Variants in MYO9A observed in about 807,000 individuals in gnomAD.
MYO9A encodes unconventional myosin-IXa.
MYO9A carries 103 observed loss-of-function variants against 293.3 expected under a neutral mutation model. The observed-to-expected ratio is 0.35, with a 90% CI of 0.30 to 0.41. The LOEUF is 0.41. MYO9A is among the 10% of genes least tolerant of loss of function. The pLI is 1.00. For missense variants in MYO9A, 2,685 were observed against 3,033.0 expected (o/e 0.89, Z 2.69); for synonymous variants, 1,001 against 1,035.7 (o/e 0.97, Z 0.64).
chr15:71,976,759 A>C (rs2076156769), intron 12 of MYO9A, among the ~76,000 whole-genome samples: 1 of 152,236 alleles, frequency 6.6e-6, no homozygotes, highest in African/African-American at 2.4e-5. Context: ...TGTTAACAGC[A>C]TTTTAATTTC....
chr15:72,051,403 C>G (rs1307137407), intron 1 of MYO9A, among the ~76,000 whole-genome samples: 1 of 152,218 alleles, frequency 6.6e-6, no homozygotes. Flanking sequence ...GGCCACCTGC[C>G]CAGGTGGGCT....
rs565052257 is a variant in MYO9A, at chr15:72,050,459, T to C, written c.-71-3825A>G. On this transcript the variant is annotated intron_variant, in intron 1 of 41. Transcript: ENST00000356056. ...CCATCTCTACTGAAAATACAAAAAT[T>C]AGCCAGGCATGGTGGTGGGCACCTG... Among the ~76,000 whole-genome samples the C allele has an allele frequency of 7.9e-5, 12 of 152,056 alleles. No individual in the cohort carries two copies. In the South Asian group the frequency reaches 2.5e-3, roughly 32 times the overall value.
intron 33 of MYO9A, among the ~76,000 whole-genome samples, chr15:71,861,695 AAAAAAAC>A (rs1437321134): frequency 1.3e-5 from 2 of 149,100 alleles, no homozygotes; most frequent in African/African-American, 4.9e-5. Context: ...AAAAAAAAAA[AAAAAAAC>A]AAATAAGTTT....
chr15:71,826,765 TG>T lies in MYO9A; in HGVS notation c.7461del (p.Phe2487LeufsTer16). 6.2e-7 allele frequency: 1 copy of T among 1,614,132 alleles called. No homozygotes were observed. Among genetic ancestry groups the T allele is most frequent in the South Asian group, 1.1e-5 (1 of 91,078 alleles). ...TCCGGGTTGAAGGTTCCTCTGCTGATGAACTGAGGCTTGTCTTCCAGGAATT... is the reference window on the plus strand; with the variant it reads ...TCCGGGTTGAAGGTTCCTCTGCTGATAACTGAGGCTTGTCTTCCAGGAATT... ...QTKFLEDKPQ[F>X]ISRGTFNPEK... On this transcript the variant is annotated frameshift_variant, in exon 42 of 42. Transcript: ENST00000356056. LOFTEE classifies it high-confidence loss of function.
chr15:71,830,432 A>G, intron 39 of MYO9A, 121 bp from the exon 40 acceptor site: 2 of 914,464 alleles, frequency 2.2e-6, no homozygotes, highest in East Asian at 5.2e-5. Flanking sequence ...AAATGGAAAC[A>G]CTCTGCGAGG....
intron 4 of MYO9A, among the ~76,000 whole-genome samples, chr15:72,023,202 A>C (rs1378032306): frequency 2.0e-5 from 3 of 152,244 alleles, no homozygotes; most frequent in Admixed American, 1.3e-4. Context: ...GGCAGAAGAA[A>C]GAACCAGTGA....
chr15:72,098,285 T>C (rs1399030261), intron 1 of MYO9A, among the ~76,000 whole-genome samples: 1 of 151,670 alleles, frequency 6.6e-6, no homozygotes, highest in Non-Finnish European at 1.5e-5. Context: ...TAAAGTTTCA[T>C]GGAAAAACCC....
rs373525179 is a variant in MYO9A at position 72,007,848 on chromosome 15, G to A, written c.1358C>T (p.Pro453Leu). 2 of 1,612,206 alleles carry A rather than the reference G, an allele frequency of 1.2e-6. No homozygotes were observed. The highest frequency in any genetic ancestry group is 1.3e-5 in the African/African-American group (1 of 74,806). The change falls in exon 8 of 42, where the codon CCT becomes CTT. Residue 453 changes from proline to leucine, a missense_variant. Coordinates refer to ENST00000356056, the MANE Select transcript of MYO9A (RefSeq NM_006901.4). ...SIDICNPEVL[P>L]IVSELLEVKE... ...CACCTCTAATAATTCTGAGACAATA[G>A]GCAGAACTTCAGGATTACAGATATC...
intron 18 of MYO9A, among the ~76,000 whole-genome samples, chr15:71,927,510 C>T (rs2058344896): frequency 6.6e-6 from 1 of 152,128 alleles, no homozygotes. Flanking sequence ...GGTTCCAGAA[C>T]CACGCTGAGA....
chr15:72,074,552 T>C (rs1385529683), intron 1 of MYO9A, among the ~76,000 whole-genome samples: 3 of 152,216 alleles, frequency 2.0e-5, no homozygotes, highest in Non-Finnish European at 2.9e-5. Flanking sequence ...ACTGATACGA[T>C]GGACCAAATT....
intron 33 of MYO9A, among the ~76,000 whole-genome samples, chr15:71,860,961 C>A: frequency 1.6e-5 from 1 of 64,100 alleles, no homozygotes; most frequent in East Asian, 7.9e-4. Flanking sequence ...AGTTAGACTC[C>A]ATCTCACCAA....
At chr15:72,019,532 T>C (rs1393125655) in intron 5 of MYO9A, among the ~76,000 whole-genome samples, 3 of 152,174 alleles carry the variant, frequency 2.0e-5, no homozygotes, top group Non-Finnish European at 2.9e-5. Flanking sequence ...AGGAAAAAAC[T>C]CAGAAGCTGA....
At chr15:71,960,333 A>G in intron 13 of MYO9A, 1 of 473,724 alleles carries the variant, frequency 2.1e-6, no homozygotes, top group Non-Finnish European at 3.7e-6. Flanking sequence ...ATTCACCAAA[A>G]TCTGGTTATT....
intron 6 of MYO9A, among the ~76,000 whole-genome samples, chr15:72,013,029 G>T (rs748921255): frequency 6.6e-6 from 1 of 152,112 alleles, no homozygotes; most frequent in Non-Finnish European, 1.5e-5. Context: ...AAAAACTAAG[G>T]ATAAATTAAA....
At chr15:72,057,031 T>C (rs920440712) in intron 1 of MYO9A, among the ~76,000 whole-genome samples, 1 of 151,920 alleles carries the variant, frequency 6.6e-6, no homozygotes, top group African/African-American at 2.4e-5. Context: ...TGCTTGAACC[T>C]GGGAGGCGGA....
At chr15:71,981,170 A>G (rs1596318025) in intron 11 of MYO9A, among the ~76,000 whole-genome samples, 1 of 152,214 alleles carries the variant, frequency 6.6e-6, no homozygotes, top group African/African-American at 2.4e-5. Context: ...CCTTTTGTAC[A>G]TATTGATGGA....
intron 28 of MYO9A, among the ~76,000 whole-genome samples, chr15:71,882,427 C>T (rs1190291712): frequency 6.6e-6 from 1 of 152,176 alleles, no homozygotes; most frequent in Non-Finnish European, 1.5e-5. Context: ...GATGAACTAA[C>T]TGTTGAGTAC....
At chr15:72,088,716 G>A (rs1268561937) in intron 1 of MYO9A, among the ~76,000 whole-genome samples, 1 of 152,144 alleles carries the variant, frequency 6.6e-6, no homozygotes, top group African/African-American at 2.4e-5. Flanking sequence ...GCTAGTTTCT[G>A]CTGATTATCT....
Position 72,088,768 on chromosome 15 carries a change from C to T in MYO9A, c.-72+28912G>A, listed in dbSNP as rs149861959. Among the ~76,000 whole-genome samples the T allele has an allele frequency of 1.5e-3, 233 of 152,234 alleles. 1 individual carries two copies. Among genetic ancestry groups the T allele is most frequent in the Non-Finnish European group, 1.7e-3 (113 of 68,022 alleles). ...AGTATTTTGTTCTGACTGACAGAGA[C>T]GTTCCCTGAGTTTGGAAAACTCAAA... On this transcript the variant is annotated intron_variant, in intron 1 of 41. Transcript: ENST00000356056.
Sources: allele counts gnomAD v4.1 joint callset (sites outside exome capture counted in the v4.1 genomes callset), GRCh38; gene constraint gnomAD v4.1.1; transcripts MANE v1.5; gene names NCBI Gene and HGNC (gene_info 2026-07-23, HGNC 2026-07-21).